The following RPAP2 variants were observed in gnomAD, a reference collection of about 807,000 sequenced individuals.
The protein encoded by RPAP2 is RNA polymerase II associated protein 2.
In RPAP2, 52 loss-of-function variants were observed where a neutral mutation model predicts 73.1. The observed-to-expected ratio is 0.71, with a 90% CI of 0.57 to 0.90. RPAP2 has a LOEUF of 0.90. Ranked by LOEUF, RPAP2 falls within the 40% of genes least tolerant of loss-of-function variation. RPAP2 has a pLI of 0.00. For synonymous variants in RPAP2, 225 were observed against 242.1 expected (o/e 0.93, Z 0.65); for missense variants, 598 against 701.8 (o/e 0.85, Z 1.67).
At chr1:92,330,530 C>T (rs1225325331) in intron 8 of RPAP2, among the ~76,000 whole-genome samples, 1 of 132,896 alleles carries the variant, frequency 7.5e-6, no homozygotes, top group African/African-American at 2.8e-5. Context: ...TCACTGCAAA[C>T]TCCACCTCCT....
intron 11 of RPAP2, among the ~76,000 whole-genome samples, chr1:92,375,868 C>T (rs945364316): frequency 1.9e-4 from 28 of 151,092 alleles, no homozygotes; most frequent in African/African-American, 6.1e-4. Context: ...GGTGTGGTGG[C>T]GCTCACCTGT....
At chr1:92,324,750 G>A (rs564112161) in intron 8 of RPAP2, among the ~76,000 whole-genome samples, 166 of 152,148 alleles carry the variant, frequency 1.1e-3, no homozygotes, top group Non-Finnish European at 1.8e-3. Flanking sequence ...GTGTTTAATG[G>A]AAGTATATGC....
At chr1:92,377,047 T>C (rs1048701671) in intron 11 of RPAP2, among the ~76,000 whole-genome samples, 3 of 152,218 alleles carry the variant, frequency 2.0e-5, no homozygotes, top group Non-Finnish European at 4.4e-5. Flanking sequence ...TAGTTGATAA[T>C]ATAACCAATA....
At chr1:92,349,848 A>G (rs1212343217) in intron 11 of RPAP2, among the ~76,000 whole-genome samples, 1 of 152,182 alleles carries the variant, frequency 6.6e-6, no homozygotes, top group Non-Finnish European at 1.5e-5. Flanking sequence ...GGATCTCTTC[A>G]GCCCAGGAGA....
intron 11 of RPAP2, among the ~76,000 whole-genome samples, chr1:92,368,573 A>T (rs540820696): frequency 6.6e-6 from 1 of 152,328 alleles, no homozygotes; most frequent in South Asian, 2.1e-4. Context: ...GGTTTAGTCA[A>T]GAGTTTGTAC....
intron 11 of RPAP2, among the ~76,000 whole-genome samples, chr1:92,362,052 T>C (rs1440428685): frequency 1.3e-5 from 2 of 152,226 alleles, no homozygotes; most frequent in Admixed American, 6.5e-5. Flanking sequence ...ATGGAAATTT[T>C]TTACTCAAGA....
intron 11 of RPAP2, among the ~76,000 whole-genome samples, chr1:92,377,364 C>T (rs1367050300): frequency 6.6e-6 from 1 of 151,834 alleles, no homozygotes; most frequent in East Asian, 1.9e-4. Context: ...ACTAAAAATA[C>T]AAACATTAGC....
chr1:92,364,982 CT>C (rs1050024373), intron 11 of RPAP2, among the ~76,000 whole-genome samples: 1 of 152,180 alleles, frequency 6.6e-6, no homozygotes, highest in Non-Finnish European at 1.5e-5. Context: ...CCTTATTTCC[CT>C]TTTATGTCTT....
At chr1:92,345,063 T>G (rs1417948767) in intron 10 of RPAP2, among the ~76,000 whole-genome samples, 1 of 152,190 alleles carries the variant, frequency 6.6e-6, no homozygotes, top group Non-Finnish European at 1.5e-5. Context: ...ACTGAACTTT[T>G]CTTTAATAAA....
rs1344494686 is a variant in RPAP2, at chr1:92,401,732, A to AT, written c.*14725dup. The AT allele has an allele frequency of 6.6e-6, 1 of 152,204 alleles. No homozygotes were observed. The highest frequency in any genetic ancestry group is 1.5e-5 in the Non-Finnish European group (1 of 68,030). The allele number at this position is 152,204 out of a possible 1,614,324, so 9.4% of individuals were successfully genotyped here. On this transcript the variant is annotated 3_prime_UTR_variant, in exon 13 of 13. Coordinates refer to ENST00000610020, the MANE Select transcript of RPAP2 (RefSeq NM_024813.3). ...CATAGTTTGCTAAAAGGTTTTTGTC[A>AT]TTTTAAATCATAAATGGGTGTTGAA... is the stretch of plus-strand genomic sequence containing the variant.
chr1:92,374,490 C>G (rs894919657), intron 11 of RPAP2, among the ~76,000 whole-genome samples: 1 of 152,166 alleles, frequency 6.6e-6, no homozygotes, highest in Non-Finnish European at 1.5e-5. Flanking sequence ...AACCTTATCT[C>G]CAAGCTCAGT....
At chr1:92,341,911 A>G (rs1343918535) in intron 10 of RPAP2, among the ~76,000 whole-genome samples, 1 of 152,196 alleles carries the variant, frequency 6.6e-6, no homozygotes, top group Non-Finnish European at 1.5e-5. Flanking sequence ...CCAACGTGCT[A>G]GGATTACAGG....
chr1:92,341,786 A>C (rs1653607839), intron 10 of RPAP2, among the ~76,000 whole-genome samples: 1 of 152,178 alleles, frequency 6.6e-6, no homozygotes. Context: ...CTGGGATTAC[A>C]GGCATGCGCC....
intron 11 of RPAP2, among the ~76,000 whole-genome samples, chr1:92,359,949 AAC>A (rs1448164592): frequency 1.3e-5 from 2 of 152,206 alleles, no homozygotes; most frequent in Non-Finnish European, 2.9e-5. Context: ...ACTAAATGCA[AAC>A]ACTGCTAGAC....
intron 11 of RPAP2, among the ~76,000 whole-genome samples, chr1:92,369,813 A>C (rs1655075316): frequency 6.6e-6 from 1 of 152,216 alleles, no homozygotes; most frequent in African/African-American, 2.4e-5. Flanking sequence ...AAAGAGAGGA[A>C]GCAGGTGTTT....
chr1:92,354,357 T>C (rs1466179791), intron 11 of RPAP2, among the ~76,000 whole-genome samples: 1 of 152,164 alleles, frequency 6.6e-6, no homozygotes, highest in Non-Finnish European at 1.5e-5. Flanking sequence ...GAGAGAATTG[T>C]TACAAGGCAA....
At chr1:92,370,519 T>TTTAGA (rs576064109) in intron 11 of RPAP2, among the ~76,000 whole-genome samples, 82 of 152,266 alleles carry the variant, frequency 5.4e-4, no homozygotes, top group African/African-American at 1.9e-3. Flanking sequence ...GCAAGAGACA[T>TTTAGA]TTAGATTATA....
Position 92,356,758 on chromosome 1 carries a change from T to A in RPAP2, c.1688+10844T>A, listed in dbSNP as rs1214119925. On this transcript the variant is annotated intron_variant, in intron 11 of 12. Coordinates refer to ENST00000610020, the MANE Select transcript of RPAP2 (RefSeq NM_024813.3). ...CCCATTTTCCTTTTTTATTCTCTACTTTTTTTGTCTCATTAAAAAATGGGC... is the reference window on the plus strand; with the variant it reads ...CCCATTTTCCTTTTTTATTCTCTACATTTTTTGTCTCATTAAAAAATGGGC... 2.7e-5 allele frequency among the ~76,000 whole-genome samples: 4 copies of A among 150,866 alleles called. No homozygotes were observed. In the East Asian group the frequency reaches 8.1e-4, roughly 31 times the overall value.
At chr1:92,338,640 G>T (rs1042294151) in intron 10 of RPAP2, among the ~76,000 whole-genome samples, 1 of 137,840 alleles carries the variant, frequency 7.3e-6, no homozygotes, top group African/African-American at 2.7e-5. Context: ...GGCAGAGGCT[G>T]ATCATTGATT....
Sources: gnomAD v4.1 joint callset for allele counts (sites outside exome capture counted in the v4.1 genomes callset) on GRCh38, gnomAD v4.1.1 for gene constraint, MANE v1.5 for transcripts, NCBI Gene and HGNC (gene_info 2026-07-23, HGNC 2026-07-21) for gene names.